Variants in ALDH1A2 observed in about 807,000 individuals in gnomAD.
ALDH1A2 encodes aldehyde dehydrogenase 1 family member A2.
Under a neutral mutation model 60.3 loss-of-function variants are expected in ALDH1A2, and 27 were observed. The observed-to-expected ratio is 0.45, with a 90% CI of 0.33 to 0.62. The LOEUF is 0.62. ALDH1A2 is among the 20% of genes least tolerant of loss of function. ALDH1A2 has a pLI of 0.02. For synonymous variants in ALDH1A2, 289 were observed against 232.4 expected (o/e 1.24, Z -2.21); for missense variants, 581 against 643.8 (o/e 0.90, Z 1.06).
rs182903199 is a variant in ALDH1A2, at chr15:58,016,777, G to A, written c.118-2496C>T. ...ACTAAAATAAGGAAAAAAAAATTAC[G>A]AAATTGCCTAGAAATGAATGTCACC... On this transcript the variant is annotated intron_variant, in intron 1 of 12. Coordinates refer to ENST00000249750, the MANE Select transcript of ALDH1A2 (RefSeq NM_003888.4). Among the ~76,000 whole-genome samples, 21 of 152,078 alleles carry A rather than the reference G, an allele frequency of 1.4e-4. No individual in the cohort carries two copies. The East Asian group carries it at 2.7e-3, about 20-fold the overall frequency.
chr15:57,967,353 C>T (rs1254984420), intron 7 of ALDH1A2, among the ~76,000 whole-genome samples: 1 of 152,102 alleles, frequency 6.6e-6, no homozygotes, highest in African/African-American at 2.4e-5. Context: ...CAGCCTGGCA[C>T]ACAGTAAGTG....
At chr15:57,988,581 G>T (rs985885559) in intron 7 of ALDH1A2, among the ~76,000 whole-genome samples, 1 of 152,152 alleles carries the variant, frequency 6.6e-6, no homozygotes, top group African/African-American at 2.4e-5. Context: ...AGAAGCCAAG[G>T]GTGTTACCTG....
rs542137895 is a variant in ALDH1A2, at chr15:57,996,436, T to C, written c.494-1297A>G. ...TATTCACATACAAGTATTTATAGGATCCTTTTATCCTCTTTTTTTTTATAC... is the reference window on the plus strand; with the variant it reads ...TATTCACATACAAGTATTTATAGGACCCTTTTATCCTCTTTTTTTTTATAC... On this transcript the variant is annotated intron_variant, in intron 4 of 12. Coordinates refer to ENST00000249750, the MANE Select transcript of ALDH1A2 (RefSeq NM_003888.4). Among the ~76,000 whole-genome samples the C allele has an allele frequency of 8.6e-5, 13 of 151,750 alleles. No homozygotes were observed. In the South Asian group the frequency reaches 1.5e-3, roughly 17 times the overall value.
chr15:57,955,825 CCTT>C (rs1893504587), intron 12 of ALDH1A2, among the ~76,000 whole-genome samples: 1 of 152,186 alleles, frequency 6.6e-6, no homozygotes, highest in African/African-American at 2.4e-5. Context: ...CTACAGTGCT[CCTT>C]CTCCTCCACA....
Position 57,955,151 on chromosome 15 carries a change from G to A in ALDH1A2, c.*46C>T. On this transcript the variant is annotated 3_prime_UTR_variant, in exon 13 of 13. Coordinates refer to ENST00000249750, the MANE Select transcript of ALDH1A2 (RefSeq NM_003888.4). ...AGCTGGGCCCTACAGAGAAAGCAGA[G>A]AGGGACAGACGTGCAGGCTGGGCTT... 1 of 1,571,848 alleles carries A rather than the reference G, an allele frequency of 6.4e-7. No individual in the cohort carries two copies.
intron 4 of ALDH1A2, among the ~76,000 whole-genome samples, chr15:57,998,149 T>C (rs1350533796): frequency 1.3e-5 from 2 of 152,040 alleles, no homozygotes; most frequent in African/African-American, 4.8e-5. Context: ...AAGACAAGGA[T>C]GCCCTCTTTC....
intron 12 of ALDH1A2, among the ~76,000 whole-genome samples, chr15:57,957,965 G>GGTGGATCCCAGTGTTTGGGTGTGTGATGC (rs1402828297): frequency 3.3e-5 from 5 of 152,154 alleles, no homozygotes; most frequent in Non-Finnish European, 2.9e-5. Flanking sequence ...AAGGGTGACT[G>GGTGGATCCCAGTGTTTGGGTGTGTGATGC]GTGGATCCCA....
chr15:57,996,325 C>T (rs1895060349), intron 4 of ALDH1A2, among the ~76,000 whole-genome samples: 1 of 151,984 alleles, frequency 6.6e-6, no homozygotes, highest in East Asian at 1.9e-4. Context: ...CTCTCTTACT[C>T]TCCCAGTGTC....
chr15:58,058,660 T>C (rs1455987764), intron 1 of ALDH1A2, among the ~76,000 whole-genome samples: 1 of 152,138 alleles, frequency 6.6e-6, no homozygotes, highest in African/African-American at 2.4e-5. Context: ...GAAACAGGTG[T>C]TTCCAGTTTG....
At chr15:58,004,073 A>T (rs1895366690) in intron 4 of ALDH1A2, among the ~76,000 whole-genome samples, 1 of 151,878 alleles carries the variant, frequency 6.6e-6, no homozygotes, top group Non-Finnish European at 1.5e-5. Flanking sequence ...GAAATTTCCA[A>T]TTCAGAGAGA....
chr15:57,996,593 C>T (rs1472843480), intron 4 of ALDH1A2, among the ~76,000 whole-genome samples: 1 of 151,168 alleles, frequency 6.6e-6, no homozygotes, highest in Non-Finnish European at 1.5e-5. Context: ...CTACTGTAAA[C>T]CCTCCTACTA....
intron 11 of ALDH1A2, 122 bp downstream of exon 11, chr15:57,961,015 C>T (rs1222864859): frequency 2.1e-6 from 3 of 1,404,608 alleles, no homozygotes; most frequent in Non-Finnish European, 3.0e-6. Flanking sequence ...GGAGTGTACC[C>T]CTTTTCTGGT....
Position 57,992,778 on chromosome 15 carries a change from T to A in ALDH1A2, c.725A>T (p.Tyr242Phe). The change falls in exon 7 of 13, where the codon TAT (tyrosine) becomes TTT (phenylalanine). Residue 242 changes from tyrosine (Y) to phenylalanine (F), a missense_variant. By Grantham distance (22) the Tyr-to-Phe change is conservative. Coordinates refer to ENST00000249750, the MANE Select transcript of ALDH1A2 (RefSeq NM_003888.4). ...TATTGCTGCCCCAGCCGTTGGCCCA[T>A]ATCCTGGCAAAATATTGATGACCCC... ...PPGVINILPG[Y>F]GPTAGAAIAS... 4 of 1,614,132 alleles carry A rather than the reference T, an allele frequency of 2.5e-6. No individual in the cohort carries two copies. Among genetic ancestry groups the A allele is most frequent in the Non-Finnish European group, 2.5e-6 (3 of 1,179,992 alleles).
chr15:58,060,463 CTTTT>C (rs35187901), intron 1 of ALDH1A2, among the ~76,000 whole-genome samples: 233 of 87,516 alleles, frequency 2.7e-3, no homozygotes, highest in African/African-American at 9.7e-3. Flanking sequence ...CCACACATAT[CTTTT>C]TTTTTTTTTT....
intron 1 of ALDH1A2, among the ~76,000 whole-genome samples, chr15:58,026,975 T>C (rs1896096386): frequency 6.6e-6 from 1 of 152,194 alleles, no homozygotes; most frequent in Non-Finnish European, 1.5e-5. Flanking sequence ...AGACAACTTC[T>C]GCAGACTTAA....
At chr15:58,002,116 T>C (rs1895295648) in intron 4 of ALDH1A2, among the ~76,000 whole-genome samples, 1 of 151,916 alleles carries the variant, frequency 6.6e-6, no homozygotes, top group East Asian at 1.9e-4. Flanking sequence ...CTGGGTGCTT[T>C]TAATGACCAA....
At chr15:57,961,446 T>A in intron 10 of ALDH1A2, 152 bp from the exon 11 acceptor site, 2 of 999,902 alleles carry the variant, frequency 2.0e-6, no homozygotes, top group East Asian at 2.6e-5. Context: ...TTTCCTAGGA[T>A]AAGATTATGC....
At chr15:57,994,093 T>C (rs780238334) in intron 5 of ALDH1A2, among the ~76,000 whole-genome samples, 10 of 152,224 alleles carry the variant, frequency 6.6e-5, no homozygotes, top group African/African-American at 9.7e-5. Context: ...TCAGTGAAGC[T>C]GCAGCGTTGA....
At chr15:57,983,157 G>A (rs140533836) in intron 7 of ALDH1A2, among the ~76,000 whole-genome samples, 5 of 152,246 alleles carry the variant, frequency 3.3e-5, no homozygotes, top group African/African-American at 9.6e-5. Context: ...AACTGCATTC[G>A]CTATTGAAAG....
Sources: gnomAD v4.1 joint callset for allele counts (sites outside exome capture counted in the v4.1 genomes callset) on GRCh38, gnomAD v4.1.1 for gene constraint, MANE v1.5 for transcripts, NCBI Gene and HGNC (gene_info 2026-07-23, HGNC 2026-07-21) for gene names.